SHISA9: variants seen among roughly 807,000 people sequenced by gnomAD.
SHISA9 encodes the protein shisa family member 9.
SHISA9 carries 13 observed loss-of-function variants against 38.0 expected under a neutral mutation model. That is an observed-to-expected ratio of 0.34 (90% CI 0.22 to 0.54). SHISA9 has a LOEUF of 0.54. SHISA9 is among the 20% of genes least tolerant of loss of function. The pLI is 0.91. For synonymous variants in SHISA9, 275 were observed against 242.0 expected (o/e 1.14, Z -1.27); for missense variants, 538 against 575.8 (o/e 0.93, Z 0.67).
chr16:12,930,126 C>T (rs1451610533), intron 2 of SHISA9, among the ~76,000 whole-genome samples: 1 of 152,178 alleles, frequency 6.6e-6, no homozygotes, highest in Non-Finnish European at 1.5e-5. Flanking sequence ...TCCAGGAGGC[C>T]AGGAATCTTC....
intron 2 of SHISA9, among the ~76,000 whole-genome samples, chr16:13,192,365 CTAAAA>C (rs1282106279): frequency 2.0e-5 from 3 of 151,784 alleles, no homozygotes; most frequent in Non-Finnish European, 2.9e-5. Flanking sequence ...AAATATGTAT[CTAAAA>C]TAAAATAAAA....
At chr16:13,135,132 A>C (rs1471146711) in intron 2 of SHISA9, among the ~76,000 whole-genome samples, 1 of 152,226 alleles carries the variant, frequency 6.6e-6, no homozygotes, top group East Asian at 1.9e-4. Flanking sequence ...GCAAGAAGCA[A>C]TTCTTCCATA....
intron 2 of SHISA9, among the ~76,000 whole-genome samples, chr16:13,068,117 A>G (rs1040475641): frequency 3.3e-5 from 5 of 152,094 alleles, no homozygotes; most frequent in African/African-American, 1.2e-4. Flanking sequence ...GGGTTCATAA[A>G]TGAGAGTTCT....
downstream of SHISA9, among the ~76,000 whole-genome samples, chr16:13,242,373 C>G (rs367836580): frequency 4.2e-4 from 64 of 152,152 alleles, no homozygotes; most frequent in African/African-American, 1.5e-3. Flanking sequence ...GTAACAAGCT[C>G]CCTGTCATTG....
downstream of SHISA9, among the ~76,000 whole-genome samples, chr16:13,241,065 C>T (rs2051431474): frequency 6.6e-6 from 1 of 152,154 alleles, no homozygotes. Context: ...CAGTGTTGAA[C>T]ACACACACAG....
the SHISA9 span, among the ~76,000 whole-genome samples, chr16:13,481,175 C>T: frequency 2.6e-5 from 4 of 152,196 alleles, no homozygotes; most frequent in Admixed American, 2.6e-4. Context: ...CTTTGCGAAC[C>T]TCTGAGCGTT....
At chr16:13,008,512 T>C (rs115349070) in intron 2 of SHISA9, among the ~76,000 whole-genome samples, 5,069 of 152,226 alleles carry the variant, frequency 0.033, 162 homozygotes, top group African/African-American at 0.086. Flanking sequence ...GATTGGATCA[T>C]GGGGACATTT....
At chr16:13,072,086 T>G (rs1482364473) in intron 2 of SHISA9, among the ~76,000 whole-genome samples, 1 of 152,200 alleles carries the variant, frequency 6.6e-6, no homozygotes, top group Non-Finnish European at 1.5e-5. Context: ...TCCCTGCCCC[T>G]GGTTCCAGCT....
intron 2 of SHISA9, among the ~76,000 whole-genome samples, chr16:13,070,922 G>C (rs2073506264): frequency 6.6e-6 from 1 of 152,144 alleles, no homozygotes. Context: ...GGACCATGAG[G>C]ATAGATTAGA....
the SHISA9 span, among the ~76,000 whole-genome samples, chr16:13,545,774 C>A: frequency 6.6e-6 from 1 of 152,118 alleles, no homozygotes; most frequent in South Asian, 2.1e-4. Flanking sequence ...TCAGAACTCT[C>A]CATGATGGCA....
At chr16:13,040,720 A>T (rs1368180643) in intron 2 of SHISA9, among the ~76,000 whole-genome samples, 1 of 152,226 alleles carries the variant, frequency 6.6e-6, no homozygotes, top group East Asian at 1.9e-4. Context: ...TTGAAGAGTC[A>T]TTTGGTAAAG....
chr16:13,127,219 G>C (rs536989167), intron 2 of SHISA9, among the ~76,000 whole-genome samples: 5 of 136,108 alleles, frequency 3.7e-5, no homozygotes, highest in African/African-American at 1.4e-4. Context: ...GAGGGAAAGA[G>C]AGGGAGGGGG....
At chr16:13,041,969 G>A (rs568554944) in intron 2 of SHISA9, among the ~76,000 whole-genome samples, 2 of 152,274 alleles carry the variant, frequency 1.3e-5, no homozygotes, top group South Asian at 4.1e-4. Context: ...CCTAATACCC[G>A]GCTTTGACTT....
At chr16:13,402,590 CT>C in the SHISA9 span, among the ~76,000 whole-genome samples, 1 of 149,986 alleles carries the variant, frequency 6.7e-6, no homozygotes, top group Non-Finnish European at 1.5e-5. Context: ...TCTCAGCTCA[CT>C]GTAACCACCT....
the SHISA9 span, among the ~76,000 whole-genome samples, chr16:13,469,551 T>G: frequency 6.6e-6 from 1 of 152,150 alleles, no homozygotes; most frequent in Non-Finnish European, 1.5e-5. Flanking sequence ...TCTTCTTCTA[T>G]CCTATAAAAT....
the SHISA9 span, among the ~76,000 whole-genome samples, chr16:13,518,195 C>G: frequency 6.6e-6 from 1 of 152,090 alleles, no homozygotes; most frequent in Non-Finnish European, 1.5e-5. Flanking sequence ...ATCACTTTGC[C>G]TCTGGTGCAG....
At chr16:13,412,111 AG>A in the SHISA9 span, among the ~76,000 whole-genome samples, 4 of 145,692 alleles carry the variant, frequency 2.7e-5, no homozygotes, top group African/African-American at 8.5e-5. Flanking sequence ...ATGTAAGTAC[AG>A]AAAGGGACAC....
the SHISA9 span, among the ~76,000 whole-genome samples, chr16:13,312,076 T>G: frequency 1.3e-5 from 2 of 152,302 alleles, no homozygotes; most frequent in East Asian, 3.9e-4. Flanking sequence ...TATACCAACT[T>G]TAGGCTTATT....
chr16:13,416,101 T>C, the SHISA9 span, among the ~76,000 whole-genome samples: 2 of 152,076 alleles, frequency 1.3e-5, no homozygotes, highest in Non-Finnish European at 2.9e-5. Flanking sequence ...TCATAACCTA[T>C]GCACCGTTCT....
Sources: allele counts gnomAD v4.1 joint callset (sites outside exome capture counted in the v4.1 genomes callset), GRCh38; gene constraint gnomAD v4.1.1; transcripts MANE v1.5; gene names NCBI Gene and HGNC (gene_info 2026-07-23, HGNC 2026-07-21).